The following EML6 variants were observed in gnomAD, a reference collection of about 807,000 sequenced individuals.
The protein encoded by EML6 is EMAP like 6.
In EML6, 154 loss-of-function variants were observed where a neutral mutation model predicts 240.1. The ratio of observed to expected loss-of-function variants is 0.64; its 90% CI spans 0.56 to 0.73. The LOEUF (loss-of-function observed/expected upper bound fraction) is 0.73, where lower values mean the gene tolerates loss of function less well. EML6 is among the 30% of genes least tolerant of loss of function. The probability of loss-of-function intolerance (pLI) is 0.00; values close to 1 mark genes in which losing one functional copy is unlikely to be tolerated. For missense variants in EML6, 2,964 were observed against 2,474.6 expected (o/e 1.20, Z -4.20); for synonymous variants, 1,148 against 899.0 (o/e 1.28, Z -4.95).
At chr2:54,940,218 A>G (rs1001300709) in intron 28 of EML6, among the ~76,000 whole-genome samples, 3 of 152,212 alleles carry the variant, frequency 2.0e-5, no homozygotes, top group Non-Finnish European at 4.4e-5. Context: ...TTACAGTTGA[A>G]TGGATAAGGC....
intron 2 of EML6, among the ~76,000 whole-genome samples, chr2:54,770,583 T>C (rs1028740153): frequency 6.6e-6 from 1 of 152,222 alleles, no homozygotes; most frequent in African/African-American, 2.4e-5. Flanking sequence ...GTCTGTTCTT[T>C]CCACTTCTCA....
At chr2:54,952,727 C>A in intron 31 of EML6, 35 bp downstream of exon 31, 1 of 1,403,124 alleles carries the variant, frequency 7.1e-7, no homozygotes, top group South Asian at 1.2e-5. Flanking sequence ...GCTCTCCCAG[C>A]TTGCAGGGAC....
chr2:54,894,859 G>C (rs2165007), intron 19 of EML6, 56 bp from the exon 20 acceptor site: 72,197 of 1,238,384 alleles, frequency 0.058, 2,371 homozygotes, highest in Non-Finnish European at 0.064. Context: ...CTGGGGCCAA[G>C]TGGGTAATTG....
chr2:54,874,557 C>T (rs550520093), intron 16 of EML6, among the ~76,000 whole-genome samples: 100 of 152,232 alleles, frequency 6.6e-4, no homozygotes, highest in African/African-American at 1.8e-3. Context: ...TTTTGTCTTA[C>T]AGGTTAAGTA....
intron 31 of EML6, 128 bp from the exon 32 acceptor site, chr2:54,953,855 C>T: frequency 1.3e-6 from 1 of 747,986 alleles, no homozygotes; most frequent in South Asian, 2.1e-5. Flanking sequence ...CCACTGCACT[C>T]TGGCCTGGGC....
At chr2:54,871,762 A>AG (rs1282968684) in intron 16 of EML6, among the ~76,000 whole-genome samples, 157 bp downstream of exon 16, 1 of 152,278 alleles carries the variant, frequency 6.6e-6, no homozygotes, top group African/African-American at 2.4e-5. Context: ...TTTGTATGCC[A>AG]GCTACCCGCT....
chr2:54,959,017 C>A, intron 33 of EML6, 87 bp from the exon 34 acceptor site: 1 of 1,288,474 alleles, frequency 7.8e-7, no homozygotes, highest in Non-Finnish European at 1.1e-6. Flanking sequence ...GCATCTCTAG[C>A]TCTGGTTCCT....
intron 2 of EML6, among the ~76,000 whole-genome samples, chr2:54,787,968 G>A (rs1572896311): frequency 6.6e-6 from 1 of 152,130 alleles, no homozygotes; most frequent in Non-Finnish European, 1.5e-5. Context: ...TAGCCTGCCT[G>A]TTCCTCATCT....
intron 13 of EML6, among the ~76,000 whole-genome samples, chr2:54,864,240 G>A (rs1028554005): frequency 2.6e-5 from 4 of 152,152 alleles, no homozygotes; most frequent in Non-Finnish European, 5.9e-5. Flanking sequence ...GAAAGCATGT[G>A]TTTCCTTTAC....
chr2:54,863,817 T>C lies in EML6; in HGVS notation c.1860T>C (p.Asp620=). The change falls in exon 13 of 42, where the codon GAT becomes GAC. Residue 620 remains aspartate, a synonymous_variant. Transcript: ENST00000356458. ...GGADSYSEES[D]SDLSDVPELD... Reference sequence around the variant, plus strand: ...CTGATTCCTACAGTGAAGAATCTGATTCAGATTTATCTGATGTGCCCGAAC... The same window carrying C: ...CTGATTCCTACAGTGAAGAATCTGACTCAGATTTATCTGATGTGCCCGAAC... The C allele has an allele frequency of 1.3e-6, 2 of 1,549,034 alleles. No homozygotes were observed. The highest frequency in any genetic ancestry group is 2.0e-5 in the Admixed American group (1 of 50,764).
At chr2:54,941,988 T>C (rs1283321966) in intron 28 of EML6, among the ~76,000 whole-genome samples, 1 of 152,260 alleles carries the variant, frequency 6.6e-6, no homozygotes, top group Non-Finnish European at 1.5e-5. Context: ...GCCTATTGCT[T>C]AGTTAGGTAA....
chr2:54,773,344 T>G (rs1668474543), intron 2 of EML6, among the ~76,000 whole-genome samples: 1 of 152,262 alleles, frequency 6.6e-6, no homozygotes, highest in South Asian at 2.1e-4. Context: ...GTTTCAGAAC[T>G]GCGTTCCCTG....
intron 26 of EML6, among the ~76,000 whole-genome samples, chr2:54,920,661 T>G (rs968663673): frequency 2.6e-5 from 4 of 152,154 alleles, no homozygotes; most frequent in Non-Finnish European, 5.9e-5. Context: ...TAAACTCTTC[T>G]TAGAAGGCCA....
intron 18 of EML6, 89 bp from the exon 19 acceptor site, chr2:54,892,365 C>G: frequency 1.3e-6 from 1 of 771,896 alleles, no homozygotes; most frequent in Non-Finnish European, 2.1e-6. Flanking sequence ...TAATGAGAGA[C>G]ACCAGGTTTC....
chr2:54,900,678 C>G (rs764620439), intron 22 of EML6, among the ~76,000 whole-genome samples: 3 of 152,212 alleles, frequency 2.0e-5, no homozygotes, highest in Non-Finnish European at 4.4e-5. Context: ...CTTCCTCCAT[C>G]TCTCTAATTT....
intron 2 of EML6, among the ~76,000 whole-genome samples, chr2:54,761,225 G>A (rs999864519): frequency 2.0e-5 from 3 of 151,910 alleles, no homozygotes; most frequent in Admixed American, 1.3e-4. Flanking sequence ...TTTGTGGAAC[G>A]GACTTGTTTA....
intron 2 of EML6, among the ~76,000 whole-genome samples, chr2:54,776,042 A>G (rs1668580255): frequency 6.6e-6 from 1 of 152,128 alleles, no homozygotes. Flanking sequence ...CTGTAGCTTT[A>G]TGATGTCTTT....
At chr2:54,891,270 G>A (rs1672454385) in intron 18 of EML6, 116 bp downstream of exon 18, 2 of 534,794 alleles carry the variant, frequency 3.7e-6, no homozygotes, top group Non-Finnish European at 6.6e-6. Context: ...AAATAAAAAT[G>A]TGCCTAAAAA....
intron 17 of EML6, among the ~76,000 whole-genome samples, chr2:54,884,401 A>G (rs74840055): frequency 6.6e-6 from 1 of 152,164 alleles, no homozygotes; most frequent in African/African-American, 2.4e-5. Context: ...TTACATAGGC[A>G]TGATTGGTTT....
Sources: allele counts gnomAD v4.1 joint callset (sites outside exome capture counted in the v4.1 genomes callset), GRCh38; gene constraint gnomAD v4.1.1; transcripts MANE v1.5; gene names NCBI Gene and HGNC (gene_info 2026-07-23, HGNC 2026-07-21).